FSTL4: variants seen among roughly 807,000 people sequenced by gnomAD.
FSTL4 encodes the protein follistatin-related protein 4.
FSTL4 carries 28 observed loss-of-function variants against 78.2 expected under a neutral mutation model. The observed-to-expected ratio is 0.36, with a 90% CI of 0.27 to 0.49. The LOEUF (loss-of-function observed/expected upper bound fraction) is 0.49, where lower values mean the gene tolerates loss of function less well. Ranked by LOEUF, FSTL4 falls within the 20% of genes least tolerant of loss-of-function variation. FSTL4 has a pLI of 0.98. For synonymous variants in FSTL4, 422 were observed against 440.5 expected (o/e 0.96, Z 0.53); for missense variants, 922 against 1,084.9 (o/e 0.85, Z 2.11).
At chr5:133,268,590 A>G (rs1391726558) in intron 6 of FSTL4, among the ~76,000 whole-genome samples, 1 of 152,122 alleles carries the variant, frequency 6.6e-6, no homozygotes, top group Non-Finnish European at 1.5e-5. Context: ...AGCATGGTCC[A>G]AGTGCAAACC....
At chr5:133,626,098 CAT>C in the FSTL4 span, among the ~76,000 whole-genome samples, 150 of 32,536 alleles carry the variant, frequency 4.6e-3, no homozygotes, top group Middle Eastern at 0.038. Context: ...ATATATATTC[CAT>C]ATATATATAT....
chr5:133,503,628 C>A (rs936117758), intron 3 of FSTL4, among the ~76,000 whole-genome samples: 1 of 152,194 alleles, frequency 6.6e-6, no homozygotes, highest in Non-Finnish European at 1.5e-5. Context: ...ACCTTCTTGC[C>A]CCAGACAATT....
At chr5:133,312,143 C>A (rs2126887712) in intron 6 of FSTL4, among the ~76,000 whole-genome samples, 1 of 152,294 alleles carries the variant, frequency 6.6e-6, no homozygotes, top group African/African-American at 2.4e-5. Context: ...AAACAGCACC[C>A]ACTTTCCCTT....
intron 3 of FSTL4, among the ~76,000 whole-genome samples, chr5:133,464,009 C>T (rs1364308947): frequency 6.6e-6 from 1 of 152,238 alleles, no homozygotes; most frequent in East Asian, 1.9e-4. Flanking sequence ...TGAATTCAGT[C>T]TCAATCACCT....
chr5:133,468,510 G>C (rs993396462), intron 3 of FSTL4, among the ~76,000 whole-genome samples: 1 of 152,238 alleles, frequency 6.6e-6, no homozygotes, highest in African/African-American at 2.4e-5. Context: ...AGGCCGACTC[G>C]AAGTTTCTCT....
At chr5:133,602,769 G>A (rs1760900640) in intron 2 of FSTL4, among the ~76,000 whole-genome samples, 1 of 152,158 alleles carries the variant, frequency 6.6e-6, no homozygotes, top group African/African-American at 2.4e-5. Context: ...AACTTCTGCA[G>A]GAAAAGTGTA....
Position 133,236,475 on chromosome 5 carries a change from C to T in FSTL4, c.895-2938G>A, listed in dbSNP as rs1751666599. Reference sequence around the variant, plus strand: ...AAAACAAAACAAAAGCCCAGTTCCCCAGGGGCTGAGACACTAGGCTCTCCT... The same window carrying T: ...AAAACAAAACAAAAGCCCAGTTCCCTAGGGGCTGAGACACTAGGCTCTCCT... On this transcript the variant is annotated intron_variant, in intron 7 of 15. Transcript: ENST00000265342. The surrounding 1 kb of genome is among the most constrained non-coding windows in gnomAD (Gnocchi z 5.0). 6.6e-6 allele frequency among the ~76,000 whole-genome samples: 1 copy of T among 152,160 alleles called. No individual in the cohort carries two copies. The highest frequency in any genetic ancestry group is 2.4e-5 in the African/African-American group (1 of 41,432).
upstream of FSTL4, among the ~76,000 whole-genome samples, chr5:133,615,503 G>A (rs57911194): frequency 4.0e-3 from 610 of 152,238 alleles, 5 homozygotes; most frequent in African/African-American, 0.013. Flanking sequence ...AATTGGGAAT[G>A]GGTACATGGG....
At chr5:133,374,278 C>T (rs1042548032) in intron 4 of FSTL4, among the ~76,000 whole-genome samples, 1 of 152,132 alleles carries the variant, frequency 6.6e-6, no homozygotes, top group Non-Finnish European at 1.5e-5. Flanking sequence ...AATTTATTCA[C>T]GAGAAGTCCC....
intron 3 of FSTL4, chr5:133,458,138 T>C (rs1176010338): frequency 6.6e-6 from 1 of 152,196 alleles, no homozygotes; most frequent in East Asian, 1.9e-4. Flanking sequence ...GAAAAATGTA[T>C]TTTAAGATCA....
chr5:133,731,318 C>G, the FSTL4 span, among the ~76,000 whole-genome samples: 1 of 152,176 alleles, frequency 6.6e-6, no homozygotes, highest in Non-Finnish European at 1.5e-5. Context: ...CATCTACACT[C>G]TGGAAAAGAT....
intron 2 of FSTL4, among the ~76,000 whole-genome samples, chr5:133,577,779 ACCTGTAGT>A (rs1434997990): frequency 6.6e-6 from 1 of 152,102 alleles, no homozygotes; most frequent in Non-Finnish European, 1.5e-5. Context: ...GGTGGTGCCT[ACCTGTAGT>A]CCCAGATACT....
the FSTL4 span, among the ~76,000 whole-genome samples, chr5:133,777,743 T>C: frequency 3.9e-5 from 6 of 152,372 alleles, no homozygotes; most frequent in East Asian, 1.2e-3. Flanking sequence ...CATATCTAGC[T>C]AAGGGTTTGA....
chr5:133,568,758 G>A (rs191181073), intron 2 of FSTL4, among the ~76,000 whole-genome samples: 68 of 152,254 alleles, frequency 4.5e-4, no homozygotes, highest in African/African-American at 1.5e-3. Flanking sequence ...CCAAGGCCTG[G>A]CACCTCTGTT....
the FSTL4 span, among the ~76,000 whole-genome samples, chr5:133,623,939 T>C: frequency 6.6e-6 from 1 of 151,998 alleles, no homozygotes; most frequent in Admixed American, 6.6e-5. Context: ...TAATAATATA[T>C]ATTTTAAAGG....
intron 4 of FSTL4, among the ~76,000 whole-genome samples, chr5:133,322,773 A>T (rs566762048): frequency 6.6e-6 from 1 of 152,296 alleles, no homozygotes; most frequent in East Asian, 1.9e-4. Flanking sequence ...AGACCGGAAA[A>T]TGTCCTCAGG....
intron 6 of FSTL4, among the ~76,000 whole-genome samples, chr5:133,274,566 C>A (rs1752838014): frequency 6.6e-6 from 1 of 151,964 alleles, no homozygotes; most frequent in Non-Finnish European, 1.5e-5. Flanking sequence ...GGAATGTCAG[C>A]CTAAGAGACA....
chr5:133,739,047 C>T, the FSTL4 span, among the ~76,000 whole-genome samples: 105 of 152,252 alleles, frequency 6.9e-4, 1 homozygote, highest in South Asian at 8.3e-4. Flanking sequence ...CTCATGGAAG[C>T]AGCTGTGCCC....
At chr5:133,540,474 T>G (rs957978209) in intron 3 of FSTL4, among the ~76,000 whole-genome samples, 2 of 152,124 alleles carry the variant, frequency 1.3e-5, no homozygotes, top group African/African-American at 4.8e-5. Flanking sequence ...AGTCCTCCTT[T>G]TTTTCCTGGA....
Sources: allele counts gnomAD v4.1 joint callset (sites outside exome capture counted in the v4.1 genomes callset), GRCh38; gene constraint gnomAD v4.1.1; non-coding constraint Gnocchi (gnomAD v3.1); transcripts MANE v1.5; gene names NCBI Gene and HGNC (gene_info 2026-07-23, HGNC 2026-07-21).